Variants in MEGF6 observed in about 807,000 individuals in gnomAD.
MEGF6 encodes the protein multiple EGF like domains 6.
A neutral mutation model predicts 207.1 loss-of-function variants in MEGF6; 184 were observed. The ratio of observed to expected loss-of-function variants is 0.89; its 90% confidence interval spans 0.79 to 1.00. The LOEUF is 1.00. Ranked by LOEUF, MEGF6 falls within the 50% of genes least tolerant of loss-of-function variation. MEGF6 has a pLI of 0.00. For synonymous variants in MEGF6, 1,038 were observed against 910.0 expected, an observed-to-expected ratio of 1.14 and a Z score of -2.53; for missense variants, 2,282 against 2,202.9, an observed-to-expected ratio of 1.04 and a Z score of -0.72.
Position 3,490,436 on chromosome 1 carries a change from T to C in MEGF6, c.*92A>G. 1 of 1,403,938 alleles carries C rather than the reference T, an allele frequency of 7.1e-7. No homozygotes were observed. The allele number at this position is 1,403,938 out of a possible 1,614,324, so 87.0% of individuals were successfully genotyped here. On this transcript the variant is annotated 3_prime_UTR_variant, in exon 37 of 37. Coordinates refer to ENST00000356575, the MANE Select transcript of MEGF6 (RefSeq NM_001409.4). ...AAAGGAAGGGCAGTACCAGGAGCTC[T>C]GGGCCCGTGAAGTGTCCTTCTCAGT... is the stretch of plus-strand genomic sequence containing the variant.
intron 23 of MEGF6, 126 bp downstream of exon 23, chr1:3,499,458 CAAAG>C: frequency 7.0e-7 from 1 of 1,430,972 alleles, no homozygotes; most frequent in Non-Finnish European, 9.3e-7. Flanking sequence ...CCCGAGTGAG[CAAAG>C]CATCACTCTC....
chr1:3,511,869 C>T (rs2101053692), intron 8 of MEGF6, 137 bp downstream of exon 8: 1 of 1,470,680 alleles, frequency 6.8e-7, no homozygotes, highest in East Asian at 2.5e-5. Flanking sequence ...CGACCCTCTG[C>T]TCACCAAGGG....
intron 36 of MEGF6, 36 bp from the exon 37 acceptor site, chr1:3,490,625 G>A (rs778685744): frequency 8.1e-6 from 13 of 1,605,536 alleles, no homozygotes; most frequent in African/African-American, 2.7e-5. Context: ...AGTCCAGGGT[G>A]GGGCGGGTGC....
chr1:3,611,188 G>T lies in MEGF6; in HGVS notation c.81C>A (p.Pro27=). 6.5e-7 allele frequency: 1 copy of T among 1,548,484 alleles called. No homozygotes were observed. The highest frequency in any genetic ancestry group is 2.5e-5 in the East Asian group (1 of 39,612). ...ALVLLLLPAV[P]VGASVPPRPL... is the part of the protein sequence containing the mutation. ...GCCGCGGCGGAACGCTGGCGCCCACGGGCACGGCGGGGAGCAGCAGCAGCA... is the reference window on the plus strand; with the variant it reads ...GCCGCGGCGGAACGCTGGCGCCCACTGGCACGGCGGGGAGCAGCAGCAGCA... Residue 27 remains proline, a synonymous_variant, in exon 1 of 37, where the codon CCC becomes CCA. Coordinates refer to ENST00000356575, the MANE Select transcript of MEGF6 (RefSeq NM_001409.4).
chr1:3,596,683 T>C (rs6697282), intron 2 of MEGF6, among the ~76,000 whole-genome samples: 65,483 of 85,154 alleles, frequency 0.77, 24,900 homozygotes, highest in East Asian at 0.91. Context: ...GCCCAGACCC[T>C]GTCTCCACCC....
chr1:3,611,091 G>A, intron 1 of MEGF6, 47 bp downstream of exon 1: 3 of 1,430,934 alleles, frequency 2.1e-6, no homozygotes, highest in Non-Finnish European at 1.8e-6. Context: ...CAGAGGCCCC[G>A]GGGTCCCTGG....
Position 3,515,475 on chromosome 1 carries a change from C to G in MEGF6, c.657G>C (p.Gln219His). Residue 219 changes from glutamine to histidine, a missense_variant, in exon 6 of 37, where the codon CAG (glutamine) becomes CAC (histidine). Transcript: ENST00000356575. ...GNGGCQHHCV[Q>H]LTITRHRCQC... is the part of the protein sequence containing the mutation. Reference sequence around the variant, plus strand: ...GGCAGCGATGCCGAGTGATTGTGAGCTGGACACAGTGGTGCTGGCAGCCGC... The same window carrying G: ...GGCAGCGATGCCGAGTGATTGTGAGGTGGACACAGTGGTGCTGGCAGCCGC... 6.2e-7 allele frequency: 1 copy of G among 1,612,798 alleles called. No individual in the cohort carries two copies. The highest frequency in any genetic ancestry group is 8.5e-7 in the Non-Finnish European group (1 of 1,179,946).
chr1:3,554,372 G>C (rs1035856115), intron 4 of MEGF6, among the ~76,000 whole-genome samples: 1 of 152,124 alleles, frequency 6.6e-6, no homozygotes, highest in East Asian at 1.9e-4. Flanking sequence ...GGACCCAGCC[G>C]GGCCAGGCGG....
At chr1:3,506,800 C>T (rs1423041697) in intron 14 of MEGF6, among the ~76,000 whole-genome samples, 1 of 152,200 alleles carries the variant, frequency 6.6e-6, no homozygotes, top group Non-Finnish European at 1.5e-5. Context: ...AGACTAGGCA[C>T]AGTTGCATTT....
At chr1:3,579,752 G>C in intron 4 of MEGF6, 73 bp downstream of exon 4, 3 of 1,128,630 alleles carry the variant, frequency 2.7e-6, no homozygotes, top group Non-Finnish European at 3.6e-6. Flanking sequence ...ACGGCCAGTG[G>C]CCGACACATC....
intron 4 of MEGF6, among the ~76,000 whole-genome samples, chr1:3,559,523 A>T (rs1001480540): frequency 5.1e-4 from 8 of 15,556 alleles, no homozygotes; most frequent in African/African-American, 2.1e-3. Flanking sequence ...CTTGTCTCTT[A>T]AAAAAAAAAA....
At chr1:3,507,695 G>A in intron 14 of MEGF6, 100 bp downstream of exon 14, 1 of 1,500,020 alleles carries the variant, frequency 6.7e-7, no homozygotes, top group Non-Finnish European at 9.3e-7. Flanking sequence ...CCCTGCTCCA[G>A]TGGGAGGAAG....
chr1:3,585,369 G>A (rs1468502130), intron 3 of MEGF6, among the ~76,000 whole-genome samples: 1 of 150,680 alleles, frequency 6.6e-6, no homozygotes, highest in African/African-American at 2.5e-5. Flanking sequence ...CACACGTCCT[G>A]TGTGTGGGTG....
At chr1:3,508,066 C>G in intron 13 of MEGF6, 143 bp from the exon 14 acceptor site, 4 of 871,628 alleles carry the variant, frequency 4.6e-6, no homozygotes, top group South Asian at 1.8e-5. Flanking sequence ...CCTGCCCATG[C>G]TCATGGCAGA....
rs1337000090 is a variant in MEGF6 at position 3,501,078 on chromosome 1, C to T, written c.2463G>A (p.Trp821Ter). 1 of 1,612,762 alleles carries T rather than the reference C, an allele frequency of 6.2e-7. No individual in the cohort carries two copies. Reference sequence around the variant, plus strand: ...ACCTTGTCTGGCAGCTGGGACCATACCAGCCTGCTGGGCACACTACAGGCA... The same window carrying T: ...ACCTTGTCTGGCAGCTGGGACCATATCAGCCTGCTGGGCACACTACAGGCA... Reference protein sequence around the residue: ...SRCQDVCPAGWYGPSCQTRCS... With the variant: ...SRCQDVCPAG The change falls in exon 20 of 37, where the codon TGG becomes TGA. Residue 821 changes from tryptophan to a stop codon, truncating the protein, a stop_gained. Transcript: ENST00000356575. LOFTEE classifies it high-confidence loss of function.
At chr1:3,570,688 G>C (rs775952521) in intron 4 of MEGF6, among the ~76,000 whole-genome samples, 16 of 151,952 alleles carry the variant, frequency 1.1e-4, no homozygotes, top group Non-Finnish European at 1.8e-4. Flanking sequence ...GGGAATGTGA[G>C]GATAGGAGGC....
chr1:3,523,531 C>T (rs536443717), intron 5 of MEGF6, among the ~76,000 whole-genome samples: 16 of 152,270 alleles, frequency 1.1e-4, no homozygotes, highest in East Asian at 1.9e-4. Context: ...GACAGGGTCC[C>T]GCTTCTTCGT....
rs537804335 is a variant in MEGF6, at chr1:3,578,006, G to T, written c.481+1819C>A. Among the ~76,000 whole-genome samples, 75 of 152,368 alleles carry T rather than the reference G, an allele frequency of 4.9e-4. 1 individual carries two copies. In the East Asian group the frequency reaches 7.7e-3, roughly 16 times the overall value. On this transcript the variant is annotated intron_variant, in intron 4 of 36. Coordinates refer to ENST00000356575, the MANE Select transcript of MEGF6 (RefSeq NM_001409.4). The stretch of plus-strand genomic sequence containing the variant: ...GCGTCAGGGTCTCATGGAGCAGGGG[G>T]CTTGGAGCTGGCTCCTGACAAAGAT...
At chr1:3,602,884 C>T (rs534049478) in intron 1 of MEGF6, among the ~76,000 whole-genome samples, 3 of 152,348 alleles carry the variant, frequency 2.0e-5, no homozygotes, top group Non-Finnish European at 2.9e-5. Flanking sequence ...CAGCCACCAA[C>T]GACGCTGCCT....
Sources: allele counts gnomAD v4.1 joint callset (sites outside exome capture counted in the v4.1 genomes callset), GRCh38; gene constraint gnomAD v4.1.1; transcripts MANE v1.5; gene names NCBI Gene and HGNC (gene_info 2026-07-23, HGNC 2026-07-21).